The following RBFOX1 variants were observed in gnomAD, a reference collection of about 807,000 sequenced individuals.
RBFOX1 encodes RNA binding fox-1 homolog 1.
A neutral mutation model predicts 57.7 loss-of-function variants in RBFOX1; 8 were observed. The observed-to-expected ratio is 0.14, with a 90% CI of 0.08 to 0.25. RBFOX1 has a LOEUF of 0.25. RBFOX1 is among the 10% of genes least tolerant of loss of function. RBFOX1 has a pLI of 1.00. For missense variants in RBFOX1, 611 were observed against 548.5 expected (o/e 1.11, Z -1.14); for synonymous variants, 326 against 222.4 (o/e 1.47, Z -4.15).
chr16:6,857,457 T>G (rs946515582), intron 3 of RBFOX1, among the ~76,000 whole-genome samples: 2 of 152,170 alleles, frequency 1.3e-5, no homozygotes, highest in Middle Eastern at 3.2e-3. Context: ...TTTTTCTATT[T>G]ACATGGTTTA....
chr16:6,468,772 T>G (rs1478716038), intron 2 of RBFOX1, among the ~76,000 whole-genome samples: 1 of 152,140 alleles, frequency 6.6e-6, no homozygotes, highest in Non-Finnish European at 1.5e-5. Flanking sequence ...TTATTTCTAA[T>G]TTTATTTTAT....
intron 3 of RBFOX1, among the ~76,000 whole-genome samples, chr16:5,713,047 A>T (rs987331266): frequency 6.6e-6 from 1 of 152,180 alleles, no homozygotes; most frequent in Admixed American, 6.5e-5. Flanking sequence ...GGTAAGGAAA[A>T]GTCTGTTGGG....
chr16:5,333,102 C>G (rs760357899), intron 1 of RBFOX1, among the ~76,000 whole-genome samples: 13 of 151,752 alleles, frequency 8.6e-5, no homozygotes, highest in Admixed American at 8.5e-4. Context: ...ACAGGAGAAT[C>G]GCTTGAACCC....
intron 10 of RBFOX1, among the ~76,000 whole-genome samples, chr16:7,616,067 A>G (rs2058389149): frequency 6.6e-6 from 1 of 152,236 alleles, no homozygotes; most frequent in Non-Finnish European, 1.5e-5. Flanking sequence ...CCAGAAGGGA[A>G]AAGCATAAAC....
intron 3 of RBFOX1, among the ~76,000 whole-genome samples, chr16:6,912,511 TAACTA>T (rs2071909334): frequency 6.6e-6 from 1 of 152,198 alleles, no homozygotes; most frequent in Non-Finnish European, 1.5e-5. Flanking sequence ...TGGGCTAAGA[TAACTA>T]AACTAAAGAC....
At chr16:7,626,111 A>G (rs563888980) in intron 10 of RBFOX1, among the ~76,000 whole-genome samples, 3 of 152,248 alleles carry the variant, frequency 2.0e-5, no homozygotes, top group Non-Finnish European at 2.9e-5. Context: ...CAAGGAAAAG[A>G]TTTCCTGGAA....
At chr16:7,349,431 A>G (rs1482357571) in intron 4 of RBFOX1, among the ~76,000 whole-genome samples, 1 of 152,222 alleles carries the variant, frequency 6.6e-6, no homozygotes, top group African/African-American at 2.4e-5. Flanking sequence ...TTTCCTTTGT[A>G]GATTGGAGAA....
At chr16:6,099,211 A>C (rs1028535101) in intron 1 of RBFOX1, among the ~76,000 whole-genome samples, 1 of 152,180 alleles carries the variant, frequency 6.6e-6, no homozygotes, top group Non-Finnish European at 1.5e-5. Context: ...AAATTGGCCA[A>C]AGAAAGTGTT....
rs538497286 is a variant in RBFOX1 at position 7,010,650 on chromosome 16, G to A, written c.-15-41407G>A. Among the ~76,000 whole-genome samples, 188 of 152,076 alleles carry A rather than the reference G, an allele frequency of 1.2e-3. 1 individual carries two copies. Among genetic ancestry groups the A allele is most frequent in the African/African-American group, 4.3e-3 (178 of 41,474 alleles). On this transcript the variant is annotated intron_variant, in intron 3 of 15. Coordinates refer to ENST00000550418, the MANE Select transcript of RBFOX1 (RefSeq NM_018723.4). ...CTTAAACCAATGGCTCTCTGGTACC[G>A]CCTCCTGGGTTCAAGAGATTCTCCT...
chr16:7,362,309 CGTGT>C lies in RBFOX1; in HGVS notation c.28-155829_28-155826del, dbSNP rs949658477. 4.5e-3 allele frequency among the ~76,000 whole-genome samples: 421 copies of C among 93,430 alleles called. 2 individuals carry two copies. The highest frequency in any genetic ancestry group is 7.6e-3 in the Non-Finnish European group (328 of 43,092). 61.3% of individuals were successfully genotyped at this position (93,430 alleles called of 152,430 possible). A position where few individuals can be genotyped will look rare whatever the true frequency, so the allele number is the denominator to read the frequency against. On this transcript the variant is annotated intron_variant, in intron 4 of 15. Transcript: ENST00000550418. ...TATGTGTATGTTTTTCGTGTGTTTG[CGTGT>C]GTGTGTGTATGTTTTGTGTGTATGT...
At chr16:5,851,335 G>T (rs571973579) in intron 3 of RBFOX1, among the ~76,000 whole-genome samples, 2 of 152,208 alleles carry the variant, frequency 1.3e-5, no homozygotes, top group South Asian at 4.2e-4. Context: ...TCCTGCAAAG[G>T]CCACACTGGA....
intron 1 of RBFOX1, among the ~76,000 whole-genome samples, chr16:6,192,305 T>C (rs549297033): frequency 2.6e-5 from 4 of 151,580 alleles, no homozygotes; most frequent in East Asian, 3.9e-4. Context: ...AAAATTGGCA[T>C]TGGTAGCTCG....
At chr16:6,557,164 C>CATAT (rs112405871) in intron 2 of RBFOX1, among the ~76,000 whole-genome samples, 2 of 144,534 alleles carry the variant, frequency 1.4e-5, no homozygotes, top group Non-Finnish European at 3.0e-5. Flanking sequence ...TATATATACA[C>CATAT]ATATATATAT....
At chr16:6,802,164 T>G (rs544654851) in intron 3 of RBFOX1, among the ~76,000 whole-genome samples, 1 of 151,028 alleles carries the variant, frequency 6.6e-6, no homozygotes, top group East Asian at 1.9e-4. Flanking sequence ...TGGGCACAAT[T>G]CTGGGTGGGC....
chr16:5,677,606 A>G (rs993412514), intron 3 of RBFOX1, among the ~76,000 whole-genome samples: 14 of 152,230 alleles, frequency 9.2e-5, no homozygotes, highest in African/African-American at 1.7e-4. Context: ...ATTAACTTCT[A>G]TGGATACAGC....
chr16:6,137,548 C>T (rs898629403), intron 1 of RBFOX1, among the ~76,000 whole-genome samples: 5 of 151,258 alleles, frequency 3.3e-5, no homozygotes, highest in Admixed American at 6.6e-5. Flanking sequence ...TCAGGTGATC[C>T]GCCCACCTCG....
At chr16:5,757,313 C>T (rs1256914836) in intron 3 of RBFOX1, among the ~76,000 whole-genome samples, 3 of 149,096 alleles carry the variant, frequency 2.0e-5, no homozygotes, top group African/African-American at 4.9e-5. Context: ...TTCACTGCAA[C>T]GCTTGCCTCC....
chr16:6,509,621 T>A (rs2096205350), intron 2 of RBFOX1, among the ~76,000 whole-genome samples: 1 of 152,200 alleles, frequency 6.6e-6, no homozygotes, highest in Non-Finnish European at 1.5e-5. Context: ...TAGTGTTTGC[T>A]AGCAAAACAG....
intron 4 of RBFOX1, among the ~76,000 whole-genome samples, chr16:7,064,628 A>T (rs1211628099): frequency 6.6e-6 from 1 of 152,170 alleles, no homozygotes; most frequent in Non-Finnish European, 1.5e-5. Flanking sequence ...GGCCTCCAGC[A>T]CTGTGGGGAA....
Sources: gnomAD v4.1 joint callset for allele counts (sites outside exome capture counted in the v4.1 genomes callset) on GRCh38, gnomAD v4.1.1 for gene constraint, MANE v1.5 for transcripts, NCBI Gene and HGNC (gene_info 2026-07-23, HGNC 2026-07-21) for gene names.